The following NCALD variants were observed in gnomAD, a reference collection of about 807,000 sequenced individuals.
NCALD encodes neurocalcin delta.
A neutral mutation model predicts 18.6 loss-of-function variants in NCALD; 10 were observed. The observed-to-expected ratio is 0.54, with a 90% CI of 0.33 to 0.91. The LOEUF (loss-of-function observed/expected upper bound fraction) is 0.91. Among genes scored for constraint, NCALD ranks in the 40% least tolerant of loss-of-function variants. The probability of loss-of-function intolerance (pLI) is 0.03; values close to 1 mark genes in which losing one functional copy is unlikely to be tolerated. For missense variants in NCALD, 184 were observed against 247.6 expected (o/e 0.74, Z 1.72); for synonymous variants, 88 against 87.4 (o/e 1.01, Z -0.04).
intron 1 of NCALD, among the ~76,000 whole-genome samples, chr8:102,043,643 GA>G (rs1757347468): frequency 6.9e-6 from 1 of 145,638 alleles, no homozygotes; most frequent in Non-Finnish European, 1.5e-5. Context: ...TTACAGACAG[GA>G]AATGAAAAGA....
chr8:101,832,825 A>C (rs1433193638), intron 4 of NCALD, among the ~76,000 whole-genome samples: 3 of 152,198 alleles, frequency 2.0e-5, no homozygotes, highest in Non-Finnish European at 4.4e-5. Flanking sequence ...TGCCCGCAGC[A>C]GTGATCCAAA....
intron 1 of NCALD, among the ~76,000 whole-genome samples, chr8:102,067,874 T>C (rs1824058804): frequency 6.6e-6 from 1 of 152,166 alleles, no homozygotes; most frequent in Admixed American, 6.5e-5. Context: ...CCTGCCCTTC[T>C]CTCTTTCCTG....
intron 1 of NCALD, among the ~76,000 whole-genome samples, chr8:102,054,549 G>C (rs1050332705): frequency 6.6e-6 from 1 of 151,710 alleles, no homozygotes; most frequent in African/African-American, 2.4e-5. Flanking sequence ...AATTCAGACC[G>C]CCTTTAGACT....
chr8:101,752,951 T>C (rs1810720517), intron 1 of NCALD, among the ~76,000 whole-genome samples: 1 of 145,982 alleles, frequency 6.9e-6, no homozygotes, highest in South Asian at 2.1e-4. Flanking sequence ...TCTCTGAAAT[T>C]CAACATGTAT....
At chr8:102,027,384 G>A (rs1002181097) in intron 1 of NCALD, among the ~76,000 whole-genome samples, 1 of 152,178 alleles carries the variant, frequency 6.6e-6, no homozygotes, top group African/African-American at 2.4e-5. Context: ...AGATCTCTGG[G>A]ACGGGGCAAA....
intron 4 of NCALD, among the ~76,000 whole-genome samples, chr8:101,806,900 G>A (rs1236383890): frequency 6.6e-6 from 1 of 151,210 alleles, no homozygotes; most frequent in African/African-American, 2.4e-5. Context: ...AAAAAAAATT[G>A]AAAGCAGCAA....
At chr8:101,892,871 C>A (rs1043683996) in intron 3 of NCALD, among the ~76,000 whole-genome samples, 3 of 149,430 alleles carry the variant, frequency 2.0e-5, no homozygotes, top group African/African-American at 5.1e-5. Context: ...TGTGAAAAAA[C>A]CAAATCTACA....
chr8:101,757,395 G>A (rs542793303), intron 1 of NCALD, among the ~76,000 whole-genome samples: 31 of 152,212 alleles, frequency 2.0e-4, no homozygotes, highest in African/African-American at 4.8e-4. Flanking sequence ...TTATCTCTCC[G>A]GAACTTAAAA....
intron 4 of NCALD, among the ~76,000 whole-genome samples, chr8:101,866,447 C>T (rs1037083041): frequency 2.0e-5 from 3 of 152,178 alleles, no homozygotes; most frequent in African/African-American, 7.2e-5. Context: ...GCTCCTCTCC[C>T]CTGAACTGCA....
chr8:101,841,066 T>C (rs559383612), intron 4 of NCALD, among the ~76,000 whole-genome samples: 1 of 152,342 alleles, frequency 6.6e-6, no homozygotes, highest in African/African-American at 2.4e-5. Context: ...GTCTTATTTA[T>C]ATGTCAGACT....
At chr8:101,984,007 C>T (rs1190227237) in intron 2 of NCALD, among the ~76,000 whole-genome samples, 1 of 152,202 alleles carries the variant, frequency 6.6e-6, no homozygotes, top group Non-Finnish European at 1.5e-5. Context: ...TCCTGAATCA[C>T]CTGCTCGAAT....
intron 1 of NCALD, among the ~76,000 whole-genome samples, chr8:102,057,828 C>T (rs1177204692): frequency 1.3e-5 from 2 of 152,208 alleles, no homozygotes; most frequent in African/African-American, 2.4e-5. Flanking sequence ...AAACTACTCA[C>T]ATTCAAGGTA....
At chr8:101,877,326 C>T (rs1267081262) in intron 4 of NCALD, among the ~76,000 whole-genome samples, 1 of 152,206 alleles carries the variant, frequency 6.6e-6, no homozygotes, top group Non-Finnish European at 1.5e-5. Context: ...GAGCTGCTAA[C>T]TAATGACTTC....
At chr8:101,759,519 A>G (rs560782442) in intron 1 of NCALD, among the ~76,000 whole-genome samples, 1 of 152,324 alleles carries the variant, frequency 6.6e-6, no homozygotes, top group African/African-American at 2.4e-5. Context: ...AGGACTTGTC[A>G]TCTGAATTCA....
chr8:102,089,478 A>G (rs564928114), intron 1 of NCALD, among the ~76,000 whole-genome samples: 9 of 152,216 alleles, frequency 5.9e-5, no homozygotes, highest in South Asian at 2.1e-4. Flanking sequence ...TTCTGTCTGT[A>G]TATTTCTATA....
intron 1 of NCALD, among the ~76,000 whole-genome samples, chr8:101,736,285 G>GAT (rs1266760094): frequency 6.6e-6 from 1 of 152,100 alleles, no homozygotes; most frequent in Non-Finnish European, 1.5e-5. Context: ...CATCAATCTT[G>GAT]ATATCTGAAC....
At chr8:101,917,037 G>C (rs1586750401) in intron 2 of NCALD, among the ~76,000 whole-genome samples, 1 of 152,078 alleles carries the variant, frequency 6.6e-6, no homozygotes, top group African/African-American at 2.4e-5. Flanking sequence ...ATCAAGTATA[G>C]AATATACCTT....
intron 2 of NCALD, among the ~76,000 whole-genome samples, chr8:102,012,472 G>C (rs1036064501): frequency 2.6e-5 from 4 of 152,218 alleles, no homozygotes; most frequent in African/African-American, 9.7e-5. Context: ...CATTACATCA[G>C]GAGTCAAAGA....
At chr8:101,854,658 A>G (rs1815233086) in intron 4 of NCALD, among the ~76,000 whole-genome samples, 1 of 152,192 alleles carries the variant, frequency 6.6e-6, no homozygotes. Flanking sequence ...GAATAAACAT[A>G]TAGCTTTCCT....
Sources: gnomAD v4.1 joint callset for allele counts (sites outside exome capture counted in the v4.1 genomes callset) on GRCh38, gnomAD v4.1.1 for gene constraint, MANE v1.5 for transcripts, NCBI Gene and HGNC (gene_info 2026-07-23, HGNC 2026-07-21) for gene names.